The following GON4L variants were observed in gnomAD, a reference collection of about 807,000 sequenced individuals.
GON4L encodes GON-4-like protein.
A neutral mutation model predicts 211.8 loss-of-function variants in GON4L; 87 were observed. That is an observed-to-expected ratio of 0.41 (90% CI 0.35 to 0.49). The LOEUF is 0.49. Among genes scored for constraint, GON4L ranks in the 20% least tolerant of loss-of-function variants. GON4L has a pLI of 0.15. For missense variants in GON4L, 2,155 were observed against 2,659.5 expected (o/e 0.81, Z 4.17); for synonymous variants, 875 against 962.6 (o/e 0.91, Z 1.68).
At chr1:155,823,229 C>T (rs1395768159) in intron 3 of GON4L, among the ~76,000 whole-genome samples, 1 of 152,100 alleles carries the variant, frequency 6.6e-6, no homozygotes, top group East Asian at 1.9e-4. Context: ...GTACCTGGCC[C>T]AACTGTACAT....
intron 2 of GON4L, among the ~76,000 whole-genome samples, chr1:155,851,493 G>C (rs1049381948): frequency 1.3e-5 from 2 of 150,854 alleles, no homozygotes; most frequent in Non-Finnish European, 3.0e-5. Context: ...AGGCAGGTGG[G>C]TTACCTGAGG....
intron 12 of GON4L, among the ~76,000 whole-genome samples, chr1:155,791,978 C>T (rs1189302759): frequency 6.6e-6 from 1 of 151,630 alleles, no homozygotes; most frequent in Non-Finnish European, 1.5e-5. Context: ...AAGGATTGAT[C>T]TTCCTGCTTT....
chr1:155,784,828 C>CAGGCATGGAA (rs1376901360), intron 13 of GON4L: 15 of 206,244 alleles, frequency 7.3e-5, no homozygotes, highest in Non-Finnish European at 7.0e-5. Context: ...AAAAGTTTTC[C>CAGGCATGGAA]AGGGGCCAGG....
At chr1:155,852,495 A>G (rs1026672573) in intron 2 of GON4L, among the ~76,000 whole-genome samples, 1 of 152,170 alleles carries the variant, frequency 6.6e-6, no homozygotes, top group African/African-American at 2.4e-5. Flanking sequence ...GTAATCCAGC[A>G]CTTTGGGAGG....
chr1:155,834,243 T>C (rs1670087104), intron 2 of GON4L, among the ~76,000 whole-genome samples: 1 of 152,214 alleles, frequency 6.6e-6, no homozygotes, highest in Non-Finnish European at 1.5e-5. Context: ...TCCTTATCCC[T>C]CCTTTGCTAC....
intron 12 of GON4L, among the ~76,000 whole-genome samples, chr1:155,789,782 G>A (rs987707854): frequency 4.0e-5 from 6 of 151,870 alleles, no homozygotes; most frequent in East Asian, 3.9e-4. Context: ...GAACCATTTC[G>A]TATCCATGGA....
Position 155,752,075 on chromosome 1 carries a change from C to T in GON4L, c.6358G>A (p.Gly2120Arg), listed in dbSNP as rs1272561082. Residue 2120 changes from glycine to arginine, a missense_variant, in exon 30 of 32, where the codon GGA (glycine) becomes AGA (arginine). Around this residue, in one of 6 missense-constraint regions of GON4L, gnomAD observed 186 missense variants for 308.1 expected, o/e 0.60. Transcript: ENST00000368331. Reference protein sequence around the residue: ...APRGGLAKDSGTQAKGPEGEQ... With the variant: ...APRGGLAKDSRTQAKGPEGEQ... ...CCCTCTGGACCCTTGGCCTGTGTTC[C>T]ACTGTCTTTAGCCAAACCCCCTCTA... 1.9e-6 allele frequency: 3 copies of T among 1,613,660 alleles called. No individual in the cohort carries two copies. Among genetic ancestry groups the T allele is most frequent in the Non-Finnish European group, 2.5e-6 (3 of 1,179,730 alleles).
chr1:155,846,867 T>C (rs1233719685), intron 2 of GON4L, among the ~76,000 whole-genome samples: 2 of 151,564 alleles, frequency 1.3e-5, no homozygotes, highest in South Asian at 2.1e-4. Context: ...AAAAATTAGC[T>C]TGGCATGGTG....
At chr1:155,776,102 A>G (rs769447928) in intron 16 of GON4L, among the ~76,000 whole-genome samples, 2 of 152,188 alleles carry the variant, frequency 1.3e-5, no homozygotes, top group Admixed American at 6.5e-5. Flanking sequence ...TAAAACGAAC[A>G]GTGGTACCAA....
chr1:155,818,127 CT>C (rs1210049172), intron 6 of GON4L, among the ~76,000 whole-genome samples: 153 of 144,498 alleles, frequency 1.1e-3, no homozygotes, highest in Admixed American at 1.3e-3. Flanking sequence ...TAATTATATT[CT>C]TTTTTTTTTT....
intron 2 of GON4L, among the ~76,000 whole-genome samples, chr1:155,837,367 G>A (rs566652049): frequency 1.3e-5 from 2 of 152,230 alleles, no homozygotes; most frequent in African/African-American, 4.8e-5. Flanking sequence ...GGACTCCAAG[G>A]ACACGCCCTG....
rs767462250 is a variant in GON4L at position 155,815,836 on chromosome 1, T to C, written c.1130A>G (p.Asp377Gly). 5.6e-6 allele frequency: 9 copies of C among 1,607,644 alleles called. No individual in the cohort carries two copies. Among genetic ancestry groups the C allele is most frequent in the Non-Finnish European group, 6.8e-6 (8 of 1,174,296 alleles). Reference sequence around the variant, plus strand: ...AGCAGTTTCATCTTCTTCTTCATCATCCGGCTGGTATTCTTCATCTGAGGA... The same window carrying C: ...AGCAGTTTCATCTTCTTCTTCATCACCCGGCTGGTATTCTTCATCTGAGGA... ...DDSSDEEYQP[D>G]DEEEDETAEE... Residue 377 changes from aspartate (D) to glycine (G), a missense_variant, in exon 8 of 32, where the codon GAT becomes GGT. By Grantham distance (94) the Asp-to-Gly change is moderately conservative. Transcript: ENST00000368331.
intron 2 of GON4L, among the ~76,000 whole-genome samples, chr1:155,831,924 C>T (rs1233893134): frequency 6.6e-6 from 1 of 152,064 alleles, no homozygotes; most frequent in South Asian, 2.1e-4. Context: ...AACACTAATA[C>T]CTGCAGTCAA....
chr1:155,756,930 AAAAC>A, intron 27 of GON4L, 24 bp downstream of exon 27: 9 of 1,582,196 alleles, frequency 5.7e-6, no homozygotes, highest in Non-Finnish European at 7.8e-6. Flanking sequence ...TTCTGTCTCA[AAAAC>A]AAACAAATAA....
In GON4L at chr1:155,763,128, G is replaced by T. The variant is rs932661307; in HGVS notation, c.4726+184C>A. Reference sequence around the variant, plus strand: ...TGAGAATTGAATTAAAAATTTCTGAGTATCTGTTCTCCACAAAGATACCAC... The same window carrying T: ...TGAGAATTGAATTAAAAATTTCTGATTATCTGTTCTCCACAAAGATACCAC... On this transcript the variant is annotated intron_variant, in intron 22 of 31. Coordinates refer to ENST00000368331, the MANE Select transcript of GON4L (RefSeq NM_001282860.2). Among the ~76,000 whole-genome samples the T allele has an allele frequency of 3.3e-5, 5 of 152,194 alleles. No individual in the cohort carries two copies. In the South Asian group the frequency reaches 8.3e-4, roughly 25 times the overall value.
intron 3 of GON4L, 61 bp downstream of exon 3, chr1:155,826,776 T>A: frequency 1.8e-6 from 2 of 1,128,926 alleles, no homozygotes; most frequent in Non-Finnish European, 2.7e-6. Context: ...ATGTGCAGTT[T>A]TCTACATATT....
chr1:155,748,744 C>T (rs1660351592), downstream of GON4L: 1 of 1,614,004 alleles, frequency 6.2e-7, no homozygotes, highest in African/African-American at 1.3e-5. Flanking sequence ...CGTTGCTTTG[C>T]CCAGTCAGTG....
At position 155,766,388 on chromosome 1, in the gene GON4L, C is replaced by G; in HGVS notation, c.3085G>C (p.Glu1029Gln). 6.2e-7 allele frequency: 1 copy of G among 1,614,154 alleles called. No individual in the cohort carries two copies. Among genetic ancestry groups the G allele is most frequent in the Non-Finnish European group, 8.5e-7 (1 of 1,180,028 alleles). Residue 1029 changes from glutamate to glutamine, a missense_variant, in exon 21 of 32, where the codon GAA (glutamate) becomes CAA (glutamine). Coordinates refer to ENST00000368331, the MANE Select transcript of GON4L (RefSeq NM_001282860.2). ...AGCACCATTTTGCTCGGAGGGGCTTCTGAATGAGTTGATCGGGCTGGTGTT... is the reference window on the plus strand; with the variant it reads ...AGCACCATTTTGCTCGGAGGGGCTTGTGAATGAGTTGATCGGGCTGGTGTT... ...GKTPARSTHS[E>Q]APPSKMVLRI... is the part of the protein sequence containing the mutation.
In GON4L at chr1:155,853,737, A is replaced by AG. The variant is rs1439998067; in HGVS notation, c.43dup (p.Leu15ProfsTer4). The AG allele has an allele frequency of 6.2e-7, 1 of 1,613,058 alleles. No individual in the cohort carries two copies. The highest frequency in any genetic ancestry group is 8.5e-7 in the Non-Finnish European group (1 of 1,179,090). On this transcript the variant is annotated frameshift_variant, in exon 2 of 32. Coordinates refer to ENST00000368331, the MANE Select transcript of GON4L (RefSeq NM_001282860.2). LOFTEE classifies it high-confidence loss of function. Reference sequence around the variant, plus strand: ...TTCCTCTTGATTGCCTTTATGCTGTAGGGACTCTGTCACTGTAGTTCTTCT... The same window carrying AG: ...TTCCTCTTGATTGCCTTTATGCTGTAGGGGACTCTGTCACTGTAGTTCTTCT...
Sources: allele counts gnomAD v4.1 joint callset (sites outside exome capture counted in the v4.1 genomes callset), GRCh38; gene constraint gnomAD v4.1.1; regional missense constraint gnomAD v4.1.1; transcripts MANE v1.5; gene names NCBI Gene and HGNC (gene_info 2026-07-23, HGNC 2026-07-21).